Variants in SAMMSON observed in about 807,000 individuals in gnomAD.
SAMMSON encodes the protein long intergenic non-protein coding RNA 1212.
chr3:70,163,301 T>C (rs955493396), intron 4 of SAMMSON, among the ~76,000 whole-genome samples: 2 of 149,932 alleles, frequency 1.3e-5, no homozygotes, highest in Admixed American at 6.7e-5. Flanking sequence ...TTCTGACATA[T>C]AAATCAGAAC....
intron 3 of SAMMSON, among the ~76,000 whole-genome samples, chr3:70,018,020 A>T (rs888656998): frequency 6.6e-6 from 1 of 152,142 alleles, no homozygotes; most frequent in African/African-American, 2.4e-5. Context: ...ATCGATGTTC[A>T]TCAGGGATAT....
intron 3 of SAMMSON, among the ~76,000 whole-genome samples, chr3:70,022,541 T>G (rs1206358227): frequency 1.3e-5 from 2 of 152,080 alleles, no homozygotes; most frequent in Admixed American, 1.3e-4. Flanking sequence ...GTCTTTCAGT[T>G]GGGAACATTT....
At chr3:70,401,891 A>G (rs1349655371) in intron 2 of SAMMSON, among the ~76,000 whole-genome samples, 3 of 152,196 alleles carry the variant, frequency 2.0e-5, no homozygotes, top group Non-Finnish European at 4.4e-5. Flanking sequence ...GTTCTTCTTT[A>G]TACTGAAGTT....
At chr3:70,251,051 T>C (rs1455853771) in intron 6 of SAMMSON, among the ~76,000 whole-genome samples, 1 of 152,224 alleles carries the variant, frequency 6.6e-6, no homozygotes, top group Non-Finnish European at 1.5e-5. Context: ...GAGAATATGC[T>C]GTACACGGTT....
chr3:70,336,254 AAG>A (rs1462323850), intron 7 of SAMMSON, among the ~76,000 whole-genome samples: 1 of 151,966 alleles, frequency 6.6e-6, no homozygotes, highest in Non-Finnish European at 1.5e-5. Flanking sequence ...AGTTCTATGA[AAG>A]AGAACAAGTA....
At chr3:70,014,065 T>A (rs2066970577) in intron 3 of SAMMSON, 2 of 152,236 alleles carry the variant, frequency 1.3e-5, no homozygotes, top group Non-Finnish European at 2.9e-5. Flanking sequence ...CTTCCAAGTC[T>A]GTTCTCCTCA....
chr3:70,291,326 A>G (rs1702237543), intron 7 of SAMMSON: 1 of 152,020 alleles, frequency 6.6e-6, no homozygotes. Flanking sequence ...TTTTTAGACA[A>G]TTCAGTGAAT....
chr3:70,398,167 A>T (rs1195004793), intron 2 of SAMMSON, among the ~76,000 whole-genome samples: 4 of 152,200 alleles, frequency 2.6e-5, no homozygotes, highest in Non-Finnish European at 4.4e-5. Context: ...AAAGAAAAAT[A>T]TAAAATTATA....
chr3:70,008,138 T>G (rs2066936419), intron 1 of SAMMSON, among the ~76,000 whole-genome samples: 1 of 152,186 alleles, frequency 6.6e-6, no homozygotes, highest in Admixed American at 6.5e-5. Context: ...GGCTCTTTTT[T>G]GGTTCCATAT....
chr3:70,134,821 C>T (rs1173187182), intron 4 of SAMMSON, among the ~76,000 whole-genome samples: 1 of 151,898 alleles, frequency 6.6e-6, no homozygotes, highest in African/African-American at 2.4e-5. Flanking sequence ...CAGTGTGTGT[C>T]AGTTATTTAT....
At chr3:70,045,810 A>G (rs1396146569) in intron 3 of SAMMSON, among the ~76,000 whole-genome samples, 2 of 152,116 alleles carry the variant, frequency 1.3e-5, no homozygotes, top group African/African-American at 4.8e-5. Context: ...TACCTTGGGA[A>G]AATCTGGAGC....
intron 3 of SAMMSON, chr3:70,014,436 A>G (rs1356809526): frequency 6.6e-6 from 1 of 152,242 alleles, no homozygotes; most frequent in Non-Finnish European, 1.5e-5. Flanking sequence ...TCTGGGGAGC[A>G]TAGTCCCTGA....
intron 4 of SAMMSON, among the ~76,000 whole-genome samples, chr3:70,191,840 G>A (rs1448190032): frequency 6.7e-5 from 10 of 148,298 alleles, no homozygotes; most frequent in East Asian, 2.0e-4. Context: ...GTTATTTGCC[G>A]TGTAACCTGG....
At chr3:70,348,503 AC>A (rs1702769152) in intron 7 of SAMMSON, among the ~76,000 whole-genome samples, 1 of 151,952 alleles carries the variant, frequency 6.6e-6, no homozygotes, top group Non-Finnish European at 1.5e-5. Flanking sequence ...AGAGCTCTAG[AC>A]CCTCCATCCC....
chr3:70,245,193 G>T (rs897753486), intron 4 of SAMMSON, among the ~76,000 whole-genome samples: 3 of 151,898 alleles, frequency 2.0e-5, no homozygotes, highest in Non-Finnish European at 4.4e-5. Context: ...ATTTCTCTTG[G>T]CGTTAAGTCT....
At chr3:70,091,017 A>G (rs2067303003) in intron 4 of SAMMSON, among the ~76,000 whole-genome samples, 1 of 152,198 alleles carries the variant, frequency 6.6e-6, no homozygotes, top group Non-Finnish European at 1.5e-5. Flanking sequence ...ACTGTAACTT[A>G]TGTTAGCCTC....
chr3:70,266,163 G>T (rs1701915649), intron 6 of SAMMSON, among the ~76,000 whole-genome samples: 3 of 152,024 alleles, frequency 2.0e-5, no homozygotes, highest in Admixed American at 2.0e-4. Flanking sequence ...GCAGAATGTT[G>T]CTTTATTAAA....
intron 2 of SAMMSON, among the ~76,000 whole-genome samples, chr3:70,397,542 C>T (rs1575640976): frequency 6.6e-6 from 1 of 152,060 alleles, no homozygotes. Flanking sequence ...ATACAATGTT[C>T]TGTTGAAGAC....
intron 2 of SAMMSON, among the ~76,000 whole-genome samples, chr3:70,420,773 T>C (rs1022418758): frequency 6.6e-6 from 1 of 152,178 alleles, no homozygotes; most frequent in African/African-American, 2.4e-5. Flanking sequence ...GCAAAGATGC[T>C]AACATTTCTC....
Sources: allele counts gnomAD v4.1 joint callset (sites outside exome capture counted in the v4.1 genomes callset), GRCh38; gene constraint gnomAD v4.1.1; transcripts MANE v1.5; gene names NCBI Gene and HGNC (gene_info 2026-07-23, HGNC 2026-07-21).